The following PLEKHA7 variants were observed in gnomAD, a reference collection of about 807,000 sequenced individuals.
PLEKHA7 encodes the protein pleckstrin homology domain containing A7, also known as pleckstrin homology domain-containing family A member 7.
PLEKHA7 carries 104 observed loss-of-function variants against 170.0 expected under a neutral mutation model. The ratio of observed to expected loss-of-function variants is 0.61; its 90% confidence interval spans 0.52 to 0.72. The LOEUF (loss-of-function observed/expected upper bound fraction) is 0.72, where lower values mean the gene tolerates loss of function less well. Among genes scored for constraint, PLEKHA7 ranks in the 30% least tolerant of loss-of-function variants. The pLI is 0.00. For synonymous variants in PLEKHA7, 648 were observed against 660.8 expected, an observed-to-expected ratio of 0.98 and a Z score of 0.30; for missense variants, 1,615 against 1,671.7, an observed-to-expected ratio of 0.97 and a Z score of 0.59.
intron 3 of PLEKHA7, among the ~76,000 whole-genome samples, chr11:16,959,288 T>C (rs932872915): frequency 6.6e-5 from 10 of 151,954 alleles, no homozygotes; most frequent in African/African-American, 2.4e-4. Context: ...TGAGTTCCCA[T>C]CATTGAGCTC....
rs143945922 is a variant in PLEKHA7, at chr11:16,795,592, C to A, written c.2410-574G>T. 3.8e-3 allele frequency among the ~76,000 whole-genome samples: 572 copies of A among 152,060 alleles called. 2 individuals are homozygous for A. Among genetic ancestry groups the A allele is most frequent in the African/African-American group, 0.013 (545 of 41,476 alleles). ...AACACTTGAGGCCAAGAGTTTGAGA[C>A]CAGCCTGGCCAACATGTGAAACCCC... On this transcript the variant is annotated intron_variant, in intron 17 of 26. Coordinates refer to ENST00000531066, the MANE Select transcript of PLEKHA7 (RefSeq NM_001329630.2).
At chr11:17,007,734 C>T (rs141196249) in intron 3 of PLEKHA7, among the ~76,000 whole-genome samples, 123 of 152,072 alleles carry the variant, frequency 8.1e-4, no homozygotes, top group Middle Eastern at 3.4e-3. Context: ...CCATCACACC[C>T]GGCTAAGTTT....
At chr11:16,808,373 C>A (rs1849134705) in intron 13 of PLEKHA7, among the ~76,000 whole-genome samples, 1 of 152,136 alleles carries the variant, frequency 6.6e-6, no homozygotes, top group South Asian at 2.1e-4. Context: ...ACAAGAATCA[C>A]CCCAGAGCTT....
At chr11:16,946,875 C>G (rs139536274) in intron 3 of PLEKHA7, among the ~76,000 whole-genome samples, 160 of 152,158 alleles carry the variant, frequency 1.1e-3, no homozygotes, top group African/African-American at 3.8e-3. Flanking sequence ...CTCCACTGAT[C>G]AAAGTGGAAG....
chr11:16,868,813 G>A (rs1854601017), intron 4 of PLEKHA7, among the ~76,000 whole-genome samples: 1 of 152,172 alleles, frequency 6.6e-6, no homozygotes, highest in Non-Finnish European at 1.5e-5. Flanking sequence ...TAACTACAGG[G>A]ATGTTTCGGT....
chr11:16,958,957 GC>G (rs1861876587), intron 3 of PLEKHA7, among the ~76,000 whole-genome samples: 1 of 152,086 alleles, frequency 6.6e-6, no homozygotes, highest in Non-Finnish European at 1.5e-5. Context: ...GGGGAAAGAG[GC>G]CTAGAGCCCT....
chr11:16,854,949 G>A lies in PLEKHA7; in HGVS notation c.462C>T (p.Asp154=), dbSNP rs1222418102. 1 of 1,613,952 alleles carries A rather than the reference G, an allele frequency of 6.2e-7. No homozygotes were observed. Among genetic ancestry groups the A allele is most frequent in the East Asian group, 2.2e-5 (1 of 44,886 alleles). The change falls in exon 6 of 27, where the codon GAC becomes GAT. Residue 154 remains aspartate, a synonymous_variant. Transcript: ENST00000531066. ...SSKVHSFGKR[D]QAIRRNPNVP... is the part of the protein sequence containing the mutation. ...CATTGGGGTTCCTCCGAATGGCCTGGTCTCTCTTCCCAAAGCTGTGGACTT... is the reference window on the plus strand; with the variant it reads ...CATTGGGGTTCCTCCGAATGGCCTGATCTCTCTTCCCAAAGCTGTGGACTT...
intron 3 of PLEKHA7, among the ~76,000 whole-genome samples, chr11:16,966,975 C>T (rs1347063115): frequency 1.3e-5 from 2 of 152,194 alleles, no homozygotes; most frequent in Non-Finnish European, 2.9e-5. Context: ...ATGGGCTACA[C>T]ATTAAATTAC....
At position 16,889,420 on chromosome 11, in the gene PLEKHA7, A is replaced by AAAAAAAAAATATAT. The variant is rs61086849; in HGVS notation, c.222-18239_222-18238insATATATTTTTTTTT. On this transcript the variant is annotated intron_variant, in intron 3 of 26. Transcript: ENST00000531066. ...TTGCTCAAAAAAAAAAAAAAAAAAA[A>AAAAAAAAAATATAT]ATATATATATATATATATATATATA... is the stretch of plus-strand genomic sequence containing the variant. Among the ~76,000 whole-genome samples, 456 of 74,468 alleles carry AAAAAAAAAATATAT rather than the reference A, an allele frequency of 6.1e-3. 1 individual carries two copies. The highest frequency in any genetic ancestry group is 9.3e-3 in the Non-Finnish European group (392 of 42,088). The allele number at this position is 74,468 out of a possible 152,430, so 48.9% of individuals were successfully genotyped here.
At chr11:16,837,570 G>C (rs1851614709) in intron 9 of PLEKHA7, among the ~76,000 whole-genome samples, 1 of 152,194 alleles carries the variant, frequency 6.6e-6, no homozygotes, top group Non-Finnish European at 1.5e-5. Context: ...CAAATCCATA[G>C]TGGAATGGGC....
chr11:16,851,419 A>G, intron 7 of PLEKHA7, 128 bp from the exon 8 acceptor site: 1 of 512,770 alleles, frequency 2.0e-6, no homozygotes, highest in Non-Finnish European at 3.5e-6. Flanking sequence ...CACAACCCAC[A>G]CACAGGCAAA....
At chr11:16,993,319 T>C (rs1590806769) in intron 3 of PLEKHA7, among the ~76,000 whole-genome samples, 1 of 151,452 alleles carries the variant, frequency 6.6e-6, no homozygotes, top group Non-Finnish European at 1.5e-5. Flanking sequence ...AGGGGCTGGG[T>C]CGGGGCGGGC....
chr11:16,929,925 A>G (rs1859810022), intron 3 of PLEKHA7, among the ~76,000 whole-genome samples: 1 of 152,004 alleles, frequency 6.6e-6, no homozygotes. Context: ...AATCACTCGA[A>G]CCCGGGAGGT....
intron 3 of PLEKHA7, among the ~76,000 whole-genome samples, chr11:16,912,732 T>C (rs1858342934): frequency 6.6e-6 from 1 of 152,090 alleles, no homozygotes; most frequent in Non-Finnish European, 1.5e-5. Context: ...TGGAGGTCAG[T>C]CAGCCCAGAC....
intron 3 of PLEKHA7, among the ~76,000 whole-genome samples, chr11:16,882,845 T>G (rs1008147005): frequency 1.4e-5 from 2 of 146,248 alleles, no homozygotes; most frequent in Non-Finnish European, 3.0e-5. Flanking sequence ...ATATTTCATA[T>G]GTATATACAC....
intron 1 of PLEKHA7, 26 bp from the exon 2 acceptor site, chr11:17,014,227 A>G: frequency 6.7e-7 from 1 of 1,488,512 alleles, no homozygotes; most frequent in Non-Finnish European, 8.9e-7. Flanking sequence ...TGCACCTGTT[A>G]GCGCCGCCAC....
chr11:16,887,198 A>G lies in PLEKHA7; in HGVS notation c.222-16016T>C, dbSNP rs554058914. Among the ~76,000 whole-genome samples, 3 of 152,238 alleles carry G rather than the reference A, an allele frequency of 2.0e-5. No homozygotes were observed. In the East Asian group the frequency reaches 5.8e-4, roughly 30 times the overall value. On this transcript the variant is annotated intron_variant, in intron 3 of 26. Coordinates refer to ENST00000531066, the MANE Select transcript of PLEKHA7 (RefSeq NM_001329630.2). ...AGTCAAAGAGCTTCAACAATAGGCTAGGCCAAGCAGAAGAAAGAATTTTAG... is the reference window on the plus strand; with the variant it reads ...AGTCAAAGAGCTTCAACAATAGGCTGGGCCAAGCAGAAGAAAGAATTTTAG...
At chr11:16,855,709 A>C in intron 5 of PLEKHA7, 94 bp downstream of exon 5, 1 of 963,262 alleles carries the variant, frequency 1.0e-6, no homozygotes, top group Non-Finnish European at 1.6e-6. Context: ...CTCTCTCACA[A>C]AACTATAGTG....
At chr11:16,877,238 T>C in intron 3 of PLEKHA7, among the ~76,000 whole-genome samples, 1 of 152,164 alleles carries the variant, frequency 6.6e-6, no homozygotes, top group East Asian at 1.9e-4. Flanking sequence ...CCCAGGCTTG[T>C]AAAGCCACTT....
Sources: gnomAD v4.1 joint callset for allele counts (sites outside exome capture counted in the v4.1 genomes callset) on GRCh38, gnomAD v4.1.1 for gene constraint, MANE v1.5 for transcripts, NCBI Gene and HGNC (gene_info 2026-07-23, HGNC 2026-07-21) for gene names.